Variants in LRP5 observed in about 807,000 individuals in gnomAD.
The protein encoded by LRP5 is low-density lipoprotein receptor-related protein 5.
A neutral mutation model predicts 154.1 loss-of-function variants in LRP5; 62 were observed. The ratio of observed to expected loss-of-function variants is 0.40; its 90% CI spans 0.33 to 0.50. The LOEUF is 0.50. Among genes scored for constraint, LRP5 ranks in the 20% least tolerant of loss-of-function variants. LRP5 has a pLI of 0.55. For missense variants in LRP5, 1,915 were observed against 2,336.7 expected (o/e 0.82, Z 3.72); for synonymous variants, 966 against 1,011.5 (o/e 0.96, Z 0.85).
intron 18 of LRP5, among the ~76,000 whole-genome samples, chr11:68,434,541 G>A (rs2098673857): frequency 6.6e-6 from 1 of 152,224 alleles, no homozygotes; most frequent in African/African-American, 2.4e-5. Context: ...CACCATGCCT[G>A]GCTAATTTTT....
At chr11:68,311,763 C>T (rs1591158757), upstream of LRP5, among the ~76,000 whole-genome samples, 1 of 152,084 alleles carries the variant, frequency 6.6e-6, no homozygotes, top group East Asian at 1.9e-4. Flanking sequence ...GGAAAGAGTG[C>T]GCGGAGAGGT....
intron 21 of LRP5, among the ~76,000 whole-genome samples, chr11:68,443,585 A>ATTTTTTT (rs1219762322): frequency 2.0e-4 from 5 of 24,846 alleles, no homozygotes; most frequent in Admixed American, 7.7e-4. Flanking sequence ...ATATATATAT[A>ATTTTTTT]TTTTTTTTTT....
chr11:68,305,077 T>TA, the LRP5 span, among the ~76,000 whole-genome samples: 1 of 151,894 alleles, frequency 6.6e-6, no homozygotes, highest in Non-Finnish European at 1.5e-5. Context: ...GGTGGAATGA[T>TA]ATAGTTTGGA....
chr11:68,299,660 G>A, the LRP5 span, among the ~76,000 whole-genome samples: 2 of 145,958 alleles, frequency 1.4e-5, no homozygotes, highest in Non-Finnish European at 3.0e-5. Flanking sequence ...TCAGCTCACT[G>A]TAGCCTCCAG....
intron 1 of LRP5, among the ~76,000 whole-genome samples, chr11:68,320,237 T>C (rs1669437459): frequency 6.6e-6 from 1 of 152,194 alleles, no homozygotes; most frequent in African/African-American, 2.4e-5. Context: ...TGCAAGCATC[T>C]ACGAGAACAC....
chr11:68,370,832 T>C (rs1354884577), intron 5 of LRP5, among the ~76,000 whole-genome samples: 1 of 152,244 alleles, frequency 6.6e-6, no homozygotes, highest in African/African-American at 2.4e-5. Flanking sequence ...GGGACTGTTT[T>C]ACTCTGAGCC....
chr11:68,357,462 G>C (rs1375471733), intron 2 of LRP5, among the ~76,000 whole-genome samples, 188 bp from the exon 3 acceptor site: 1 of 152,208 alleles, frequency 6.6e-6, no homozygotes, highest in East Asian at 1.9e-4. Context: ...CTGAGAACAA[G>C]TTGGAAATAG....
At chr11:68,442,435 C>T (rs551149934) in intron 21 of LRP5, among the ~76,000 whole-genome samples, 2 of 152,094 alleles carry the variant, frequency 1.3e-5, no homozygotes, top group Non-Finnish European at 2.9e-5. Flanking sequence ...ACCATCATGC[C>T]AGGCTAATTT....
intron 5 of LRP5, among the ~76,000 whole-genome samples, chr11:68,366,521 T>G (rs1305193094): frequency 6.6e-6 from 1 of 152,110 alleles, no homozygotes; most frequent in African/African-American, 2.4e-5. Flanking sequence ...AGGGTCTGTG[T>G]TTGTGTGCAG....
intron 2 of LRP5, 131 bp from the exon 3 acceptor site, chr11:68,357,519 C>G: frequency 1.2e-6 from 1 of 823,154 alleles, no homozygotes; most frequent in Non-Finnish European, 2.1e-6. Context: ...GAAACCATAC[C>G]TGTTGGTTAT....
At chr11:68,348,750 A>G (rs2098615851) in intron 2 of LRP5, among the ~76,000 whole-genome samples, 1 of 152,236 alleles carries the variant, frequency 6.6e-6, no homozygotes, top group African/African-American at 2.4e-5. Flanking sequence ...TCAAGACCAC[A>G]CTGGGCAACA....
chr11:68,402,076 T>G (rs2098652899), intron 7 of LRP5, among the ~76,000 whole-genome samples: 1 of 152,184 alleles, frequency 6.6e-6, no homozygotes, highest in Admixed American at 6.5e-5. Flanking sequence ...GCCTTACAGT[T>G]TTGCCACCTG....
chr11:68,425,029 G>T, intron 14 of LRP5, 73 bp from the exon 15 acceptor site: 1 of 1,389,856 alleles, frequency 7.2e-7, no homozygotes. Flanking sequence ...AGCCCAGCTG[G>T]GTGCCCTGGG....
At chr11:68,438,791 C>T (rs1008894451) in intron 20 of LRP5, 109 bp downstream of exon 20, 76 of 906,772 alleles carry the variant, frequency 8.4e-5, no homozygotes, top group South Asian at 5.4e-4. Context: ...GCACATGTGG[C>T]AGACATTGCT....
At chr11:68,391,729 G>C (rs1034070156) in intron 7 of LRP5, among the ~76,000 whole-genome samples, 1 of 152,226 alleles carries the variant, frequency 6.6e-6, no homozygotes, top group Non-Finnish European at 1.5e-5. Context: ...CCATGTTTGC[G>C]GGCCGCTGAG....
chr11:68,411,119 G>A (rs901544180), intron 10 of LRP5, among the ~76,000 whole-genome samples: 1 of 152,094 alleles, frequency 6.6e-6, no homozygotes, highest in Non-Finnish European at 1.5e-5. Flanking sequence ...CCCAACATCC[G>A]GCCAAGCTTA....
At chr11:68,403,451 C>G (rs369425456) in intron 7 of LRP5, 32 bp from the exon 8 acceptor site, 363 of 1,600,578 alleles carry the variant, frequency 2.3e-4, no homozygotes, top group Non-Finnish European at 2.8e-4. Context: ...TGGCCCTGGC[C>G]CATCCAGACC....
At chr11:68,359,068 A>T (rs1213521953) in intron 3 of LRP5, among the ~76,000 whole-genome samples, 3 of 152,250 alleles carry the variant, frequency 2.0e-5, no homozygotes, top group African/African-American at 7.2e-5. Flanking sequence ...TGTGTTAGTT[A>T]TCCATTGCTG....
At position 68,449,058 on chromosome 11, in the gene LRP5, G is replaced by T; in HGVS notation, c.4836G>T (p.Thr1612=). Reference sequence around the variant, plus strand: ...TCCCGCCCCCTCCGTCCCCCTGCACGGACTCATCCTGACCTCGGCCGGGCC... The same window carrying T: ...TCCCGCCCCCTCCGTCCCCCTGCACTGACTCATCCTGACCTCGGCCGGGCC... ...HLFPPPPSPC[T]DSS The change falls in exon 23 of 23, where the codon ACG becomes ACT. Residue 1612 remains threonine (T), a synonymous_variant. Transcript: ENST00000294304. 6.4e-7 allele frequency: 1 copy of T among 1,558,794 alleles called. No homozygotes were observed.
Sources: allele counts gnomAD v4.1 joint callset (sites outside exome capture counted in the v4.1 genomes callset), GRCh38; gene constraint gnomAD v4.1.1; transcripts MANE v1.5; gene names NCBI Gene and HGNC (gene_info 2026-07-23, HGNC 2026-07-21).